The following PAPPA variants were observed in gnomAD, a reference collection of about 807,000 sequenced individuals.
The protein encoded by PAPPA is pappalysin 1, also known as pappalysin-1.
PAPPA carries 60 observed loss-of-function variants against 164.0 expected under a neutral mutation model. The observed-to-expected ratio is 0.37, with a 90% CI of 0.30 to 0.45. The LOEUF (loss-of-function observed/expected upper bound fraction) is 0.45. Among genes scored for constraint, PAPPA ranks in the 20% least tolerant of loss-of-function variants. The pLI, the probability that PAPPA is intolerant of heterozygous loss-of-function variation, is 1.00. For synonymous variants in PAPPA, 875 were observed against 814.1 expected (o/e 1.07, Z -1.27); for missense variants, 1,782 against 2,087.3 (o/e 0.85, Z 2.85).
intron 9 of PAPPA, among the ~76,000 whole-genome samples, chr9:116,298,418 G>A (rs187557461): frequency 6.6e-6 from 1 of 152,222 alleles, no homozygotes; most frequent in African/African-American, 2.4e-5. Context: ...TAGCTGGATA[G>A]AACAGATTTC....
At chr9:116,219,179 C>T (rs1844412024) in intron 4 of PAPPA, among the ~76,000 whole-genome samples, 3 of 152,188 alleles carry the variant, frequency 2.0e-5, no homozygotes, top group Non-Finnish European at 4.4e-5. Flanking sequence ...TCCTGGTCGC[C>T]TGCCTGTCCC....
intron 21 of PAPPA, 127 bp from the exon 22 acceptor site, chr9:116,396,382 G>C: frequency 2.8e-6 from 2 of 708,096 alleles, no homozygotes; most frequent in Non-Finnish European, 5.1e-6. Flanking sequence ...ATAGCAAGAA[G>C]CAGAGCCATA....
At chr9:116,345,911 T>G (rs1487506373) in intron 14 of PAPPA, among the ~76,000 whole-genome samples, 1 of 152,206 alleles carries the variant, frequency 6.6e-6, no homozygotes, top group Non-Finnish European at 1.5e-5. Context: ...TTTCCAGGGC[T>G]GGTCAGTGGA....
chr9:116,340,551 A>T (rs767704671), intron 13 of PAPPA, among the ~76,000 whole-genome samples: 1 of 152,230 alleles, frequency 6.6e-6, no homozygotes, highest in East Asian at 1.9e-4. Flanking sequence ...ATGTAGGTGA[A>T]ACAGAGTGGC....
intron 1 of PAPPA, among the ~76,000 whole-genome samples, chr9:116,163,971 A>G (rs1843695575): frequency 6.6e-6 from 1 of 152,182 alleles, no homozygotes; most frequent in Non-Finnish European, 1.5e-5. Context: ...TTAATAATAT[A>G]ACTAATTCTA....
chr9:116,387,969 C>T (rs1003236332), intron 21 of PAPPA, among the ~76,000 whole-genome samples: 2 of 152,192 alleles, frequency 1.3e-5, no homozygotes, highest in Non-Finnish European at 2.9e-5. Context: ...TCCCAGACTT[C>T]CTTCTTGCCA....
intron 10 of PAPPA, among the ~76,000 whole-genome samples, chr9:116,310,973 G>A (rs1331266939): frequency 4.6e-5 from 7 of 151,648 alleles, no homozygotes; most frequent in Non-Finnish European, 7.4e-5. Context: ...GGTAGCAACC[G>A]ACAAAGTTTT....
At chr9:116,379,002 T>C (rs73656819) in intron 20 of PAPPA, among the ~76,000 whole-genome samples, 2,885 of 152,336 alleles carry the variant, frequency 0.019, 97 homozygotes, top group African/African-American at 0.065. Context: ...GGCTGTTGCT[T>C]ACTTCTGTCT....
At chr9:116,269,289 C>T (rs1376499317) in intron 8 of PAPPA, among the ~76,000 whole-genome samples, 2 of 152,078 alleles carry the variant, frequency 1.3e-5, no homozygotes, top group African/African-American at 4.8e-5. Flanking sequence ...GATGTAGAAC[C>T]AATACATGAA....
At chr9:116,284,157 TA>T (rs905444897) in intron 9 of PAPPA, among the ~76,000 whole-genome samples, 7 of 152,192 alleles carry the variant, frequency 4.6e-5, no homozygotes, top group African/African-American at 1.7e-4. Context: ...GATCAACAAA[TA>T]TTGATTATTA....
At chr9:116,198,959 T>C (rs1844138561) in intron 2 of PAPPA, among the ~76,000 whole-genome samples, 1 of 152,162 alleles carries the variant, frequency 6.6e-6, no homozygotes, top group Non-Finnish European at 1.5e-5. Flanking sequence ...TTCATCGAAG[T>C]TACACAAACT....
intron 1 of PAPPA, among the ~76,000 whole-genome samples, chr9:116,165,786 A>G (rs908905511): frequency 6.6e-6 from 1 of 152,202 alleles, no homozygotes; most frequent in African/African-American, 2.4e-5. Flanking sequence ...ATGCCTTCCC[A>G]GGATTTTGCC....
intron 10 of PAPPA, among the ~76,000 whole-genome samples, chr9:116,321,426 A>G (rs1164859517): frequency 2.0e-5 from 3 of 152,208 alleles, no homozygotes; most frequent in African/African-American, 4.8e-5. Context: ...CTAATGACCA[A>G]GTTCAAGAAT....
chr9:116,378,975 C>A (rs1846691309), intron 20 of PAPPA, among the ~76,000 whole-genome samples: 1 of 152,202 alleles, frequency 6.6e-6, no homozygotes, highest in South Asian at 2.1e-4. Context: ...ATGGCAAAAT[C>A]AAAGCCAAGG....
chr9:116,295,627 T>C (rs62575360), intron 9 of PAPPA, among the ~76,000 whole-genome samples: 33,187 of 151,680 alleles, frequency 0.22, 4,218 homozygotes, highest in Middle Eastern at 0.29. Context: ...TTTCGATTTA[T>C]TTAACATAGT....
chr9:116,195,890 TA>T (rs1289858883), intron 2 of PAPPA, among the ~76,000 whole-genome samples: 13 of 144,726 alleles, frequency 9.0e-5, no homozygotes, highest in Admixed American at 5.9e-4. Flanking sequence ...ATTTTTAAAA[TA>T]TTTTTTTTAA....
chr9:116,276,962 C>A (rs1462484019), intron 9 of PAPPA, among the ~76,000 whole-genome samples: 2 of 152,082 alleles, frequency 1.3e-5, no homozygotes, highest in Non-Finnish European at 2.9e-5. Context: ...CTCTGGCCTG[C>A]TCTGAGCCAA....
chr9:116,295,194 G>T (rs748785825), intron 9 of PAPPA, among the ~76,000 whole-genome samples: 1 of 152,112 alleles, frequency 6.6e-6, no homozygotes, highest in Non-Finnish European at 1.5e-5. Context: ...TGAAATCAGA[G>T]ATTTCCAAAA....
intron 7 of PAPPA, among the ~76,000 whole-genome samples, chr9:116,250,013 A>G (rs372196993): frequency 2.1e-4 from 30 of 143,648 alleles, no homozygotes; most frequent in Non-Finnish European, 2.6e-4. Flanking sequence ...GTACCTGCAT[A>G]TGTGTGTGTG....
Sources: allele counts gnomAD v4.1 joint callset (sites outside exome capture counted in the v4.1 genomes callset), GRCh38; gene constraint gnomAD v4.1.1; transcripts MANE v1.5; gene names NCBI Gene and HGNC (gene_info 2026-07-23, HGNC 2026-07-21).